Variants in NRF1 observed in about 807,000 individuals in gnomAD.
NRF1 encodes the protein alpha palindromic-binding protein.
A neutral mutation model predicts 58.5 loss-of-function variants in NRF1; 5 were observed. That is an observed-to-expected ratio of 0.09 (90% confidence interval 0.04 to 0.18). NRF1 has a LOEUF of 0.18. Among genes scored for constraint, NRF1 ranks in the 10% least tolerant of loss-of-function variants. The pLI is 1.00. For synonymous variants in NRF1, 224 were observed against 246.7 expected (o/e 0.91, Z 0.86); for missense variants, 288 against 657.7 (o/e 0.44, Z 6.15).
At chr7:129,671,125 A>G (rs1055556446) in intron 2 of NRF1, among the ~76,000 whole-genome samples, 3 of 152,210 alleles carry the variant, frequency 2.0e-5, no homozygotes, top group African/African-American at 7.2e-5. Flanking sequence ...TTGCCTTTAC[A>G]GTATGGGCAT....
chr7:129,725,203 G>A (rs1423594317), intron 9 of NRF1, among the ~76,000 whole-genome samples: 2 of 152,166 alleles, frequency 1.3e-5, no homozygotes, highest in Non-Finnish European at 2.9e-5. Context: ...GATGGTGATG[G>A]CTGCACAGCA....
chr7:129,744,203 A>G (rs1393400926), intron 10 of NRF1: 2 of 1,547,800 alleles, frequency 1.3e-6, no homozygotes, highest in Non-Finnish European at 1.7e-6. Flanking sequence ...GCAGGTCGCA[A>G]GTGGATCCTG....
intron 3 of NRF1, among the ~76,000 whole-genome samples, chr7:129,674,259 C>T (rs904211493): frequency 6.6e-6 from 1 of 152,030 alleles, no homozygotes; most frequent in African/African-American, 2.4e-5. Context: ...CATAGGTATA[C>T]CTCAGAGATA....
intron 1 of NRF1, among the ~76,000 whole-genome samples, chr7:129,619,055 A>G (rs1383856545): frequency 6.6e-6 from 1 of 152,098 alleles, no homozygotes; most frequent in South Asian, 2.1e-4. Flanking sequence ...TGGATTAGGA[A>G]TGCTTAACCA....
chr7:129,744,523 T>A (rs1803926170), intron 10 of NRF1, among the ~76,000 whole-genome samples: 1 of 152,162 alleles, frequency 6.6e-6, no homozygotes, highest in Non-Finnish European at 1.5e-5. Flanking sequence ...TTCGAACTGC[T>A]GGCCTCAAGT....
chr7:129,735,501 G>A (rs1803686336), intron 10 of NRF1, among the ~76,000 whole-genome samples: 1 of 152,018 alleles, frequency 6.6e-6, no homozygotes. Flanking sequence ...CTGCACTCCA[G>A]CCAGGCTGAC....
At chr7:129,686,201 G>A (rs899705937) in intron 4 of NRF1, among the ~76,000 whole-genome samples, 5 of 152,044 alleles carry the variant, frequency 3.3e-5, no homozygotes, top group African/African-American at 1.2e-4. Flanking sequence ...GAAGGAAGAA[G>A]GTGAGCAAAG....
At chr7:129,697,271 CG>C (rs1416800980) in intron 5 of NRF1, among the ~76,000 whole-genome samples, 1 of 151,554 alleles carries the variant, frequency 6.6e-6, no homozygotes, top group East Asian at 1.9e-4. Context: ...TAGCCGGGCG[CG>C]GTGGCTCACG....
chr7:129,633,802 GTA>G (rs1491066180), intron 1 of NRF1: 2 of 141,246 alleles, frequency 1.4e-5, no homozygotes, highest in African/African-American at 5.0e-5. Flanking sequence ...GTGTGTGTGT[GTA>G]TGTGTATATA....
At chr7:129,690,663 C>A in intron 5 of NRF1, 117 bp downstream of exon 5, 1 of 1,108,988 alleles carries the variant, frequency 9.0e-7, no homozygotes, top group Non-Finnish European at 1.3e-6. Flanking sequence ...GAGATGCTGA[C>A]TGGAGTCTTG....
intron 1 of NRF1, among the ~76,000 whole-genome samples, chr7:129,620,869 G>A (rs1800783647): frequency 6.6e-6 from 1 of 152,098 alleles, no homozygotes; most frequent in South Asian, 2.1e-4. Flanking sequence ...CTAGTGATAT[G>A]GGGCAAGACA....
intron 9 of NRF1, 37 bp downstream of exon 9, chr7:129,717,413 A>G: frequency 6.3e-7 from 1 of 1,577,912 alleles, no homozygotes; most frequent in East Asian, 2.3e-5. Context: ...GAGGATCGCA[A>G]ATCTGTCCCT....
intron 1 of NRF1, among the ~76,000 whole-genome samples, chr7:129,623,182 C>T (rs967068211): frequency 2.0e-5 from 3 of 152,108 alleles, no homozygotes; most frequent in African/African-American, 7.2e-5. Flanking sequence ...CACATATTAA[C>T]TTGCTTTTTC....
rs553321510 is a variant in NRF1 at position 129,672,908 on chromosome 7, G to C, written c.338+1365G>C. Among the ~76,000 whole-genome samples the C allele has an allele frequency of 3.9e-5, 6 of 152,340 alleles. No homozygotes were observed. The South Asian group carries it at 1.2e-3, about 32-fold the overall frequency. ...GCATATAGGTAGTATTTAGAACTAG[G>C]AGACTGGATGAGGTCACTTAGGGAG... is the stretch of plus-strand genomic sequence containing the variant. On this transcript the variant is annotated intron_variant, in intron 3 of 10. Transcript: ENST00000393232.
intron 3 of NRF1, among the ~76,000 whole-genome samples, chr7:129,675,215 G>T (rs1017673903): frequency 6.6e-6 from 1 of 152,064 alleles, no homozygotes; most frequent in African/African-American, 2.4e-5. Flanking sequence ...CCATTTTCAG[G>T]GTCCACTTTT....
chr7:129,710,696 C>T lies in NRF1; in HGVS notation c.963+125C>T. 3.1e-6 allele frequency: 2 copies of T among 643,858 alleles called. 1 individual carries two copies. The highest frequency in any genetic ancestry group is 3.6e-5 in the South Asian group (2 of 55,376). 39.9% of individuals were successfully genotyped at this position (643,858 alleles called of 1,614,324 possible). A position where few individuals can be genotyped will look rare whatever the true frequency, so the allele number is the denominator to read the frequency against. On this transcript the variant is annotated intron_variant, in intron 7 of 10. Coordinates refer to ENST00000393232, the MANE Select transcript of NRF1 (RefSeq NM_005011.5). ...TGAACTTTATATAGCTCCCCAAGATCTTCCTACCTGAAATTGATTTCTGAA... is the reference window on the plus strand; with the variant it reads ...TGAACTTTATATAGCTCCCCAAGATTTTCCTACCTGAAATTGATTTCTGAA...
intron 1 of NRF1, among the ~76,000 whole-genome samples, chr7:129,655,815 G>T (rs1465413930): frequency 6.6e-6 from 1 of 152,070 alleles, no homozygotes; most frequent in East Asian, 1.9e-4. Context: ...AGCCACCTCG[G>T]CCAGCCTTCT....
chr7:129,696,770 A>G (rs1350323193), intron 5 of NRF1, among the ~76,000 whole-genome samples: 1 of 152,222 alleles, frequency 6.6e-6, no homozygotes, highest in Non-Finnish European at 1.5e-5. Flanking sequence ...TCATCTAAAG[A>G]GAGTAAATTA....
At chr7:129,698,105 G>A (rs1802741655) in intron 5 of NRF1, among the ~76,000 whole-genome samples, 1 of 152,048 alleles carries the variant, frequency 6.6e-6, no homozygotes, top group African/African-American at 2.4e-5. Flanking sequence ...TATAAAAATT[G>A]TACATAGCAA....
Sources: allele counts gnomAD v4.1 joint callset (sites outside exome capture counted in the v4.1 genomes callset), GRCh38; gene constraint gnomAD v4.1.1; transcripts MANE v1.5; gene names NCBI Gene and HGNC (gene_info 2026-07-23, HGNC 2026-07-21).